The following NXPH1 variants were observed in gnomAD, a reference collection of about 807,000 sequenced individuals.
The protein encoded by NXPH1 is neurexophilin 1, also known as neurexophilin-1.
NXPH1 carries 5 observed loss-of-function variants against 23.7 expected under a neutral mutation model. The ratio of observed to expected loss-of-function variants is 0.21; its 90% CI spans 0.11 to 0.44. NXPH1 has a LOEUF of 0.44. Among genes scored for constraint, NXPH1 ranks in the 20% least tolerant of loss-of-function variants. The pLI is 0.99. For missense variants in NXPH1, 324 were observed against 321.6 expected (o/e 1.01, Z -0.06); for synonymous variants, 144 against 122.2 (o/e 1.18, Z -1.18).
In NXPH1 at chr7:8,730,927, G is replaced by T. The variant is rs550978659; in HGVS notation, c.55-20081G>T. Among the ~76,000 whole-genome samples the T allele has an allele frequency of 3.3e-4, 50 of 150,762 alleles. 1 individual carries two copies. In the East Asian group the frequency reaches 9.5e-3, roughly 29 times the overall value. ...GGGATGTTCTCCTGGATAATATCCT[G>T]CAGAGTGTTTTCCAACTTGGTTCCA... On this transcript the variant is annotated intron_variant, in intron 2 of 2. Transcript: ENST00000405863.
chr7:8,684,888 A>G (rs1299163688), intron 2 of NXPH1, among the ~76,000 whole-genome samples: 3 of 152,132 alleles, frequency 2.0e-5, no homozygotes, highest in Non-Finnish European at 4.4e-5. Flanking sequence ...TCCAACATAA[A>G]TAATGTGTGG....
intron 2 of NXPH1, among the ~76,000 whole-genome samples, chr7:8,644,784 C>T (rs1208407928): frequency 2.6e-5 from 4 of 152,084 alleles, no homozygotes; most frequent in African/African-American, 9.7e-5. Context: ...TATTACAGCC[C>T]AGCACATCTT....
At chr7:8,747,255 T>C (rs1780486683) in intron 2 of NXPH1, among the ~76,000 whole-genome samples, 1 of 152,220 alleles carries the variant, frequency 6.6e-6, no homozygotes, top group African/African-American at 2.4e-5. Context: ...TGCACTCCCA[T>C]AATTACTACA....
chr7:8,488,288 A>G (rs1162151729), intron 2 of NXPH1, among the ~76,000 whole-genome samples: 2 of 152,080 alleles, frequency 1.3e-5, no homozygotes, highest in Non-Finnish European at 2.9e-5. Flanking sequence ...TACATCTTAC[A>G]TACACATTTA....
intron 2 of NXPH1, among the ~76,000 whole-genome samples, chr7:8,711,432 T>TAAA (rs969932867): frequency 6.6e-6 from 1 of 152,204 alleles, no homozygotes; most frequent in African/African-American, 2.4e-5. Flanking sequence ...TAAGTTAAAA[T>TAAA]AAAGGCAGCA....
intron 2 of NXPH1, among the ~76,000 whole-genome samples, chr7:8,537,433 A>T (rs2040769): frequency 2.2e-4 from 34 of 151,790 alleles, no homozygotes; most frequent in Non-Finnish European, 4.6e-4. Context: ...GGAAGCAAAC[A>T]TGTCCTTCAC....
chr7:8,484,479 A>G (rs1041437632), intron 2 of NXPH1, among the ~76,000 whole-genome samples: 1 of 152,136 alleles, frequency 6.6e-6, no homozygotes, highest in Non-Finnish European at 1.5e-5. Flanking sequence ...TCTTTTCAAC[A>G]AAAATAAGAC....
chr7:8,614,605 C>T (rs1458860089), intron 2 of NXPH1, among the ~76,000 whole-genome samples: 1 of 151,736 alleles, frequency 6.6e-6, no homozygotes, highest in Non-Finnish European at 1.5e-5. Context: ...TATCCATATA[C>T]ATATATGTAG....
chr7:8,697,504 A>T (rs1232517122), intron 2 of NXPH1, among the ~76,000 whole-genome samples: 3 of 152,196 alleles, frequency 2.0e-5, no homozygotes, highest in Non-Finnish European at 4.4e-5. Context: ...CTCATTGTTT[A>T]GACAGACTGA....
At chr7:8,749,638 G>A (rs1398251610) in intron 2 of NXPH1, among the ~76,000 whole-genome samples, 2 of 152,164 alleles carry the variant, frequency 1.3e-5, no homozygotes, top group Admixed American at 6.5e-5. Context: ...CAATGAAGCT[G>A]CTGAGTAGTA....
intron 2 of NXPH1, among the ~76,000 whole-genome samples, chr7:8,494,077 T>G (rs190359156): frequency 1.5e-3 from 227 of 152,176 alleles, no homozygotes; most frequent in Non-Finnish European, 4.1e-4. Flanking sequence ...CTCAGGATAT[T>G]GAAGGCCTTT....
At chr7:8,493,103 G>T (rs10486231) in intron 2 of NXPH1, among the ~76,000 whole-genome samples, 8,757 of 151,944 alleles carry the variant, frequency 0.058, 287 homozygotes, top group South Asian at 0.094. Flanking sequence ...GACTATCTTT[G>T]TGAGGCAGGG....
intron 2 of NXPH1, among the ~76,000 whole-genome samples, chr7:8,477,733 TTTAATGTGCTGCC>T (rs1224358217): frequency 1.3e-5 from 2 of 152,108 alleles, no homozygotes; most frequent in African/African-American, 4.8e-5. Flanking sequence ...TAGATGAGTG[TTTAATGTGCTGCC>T]TTAAGGAAAC....
intron 2 of NXPH1, among the ~76,000 whole-genome samples, chr7:8,518,742 T>TC (rs35819485): frequency 6.6e-6 from 1 of 152,102 alleles, no homozygotes; most frequent in Non-Finnish European, 1.5e-5. Context: ...TGCCTCAGCC[T>TC]CCCAAGTAGC....
intron 2 of NXPH1, among the ~76,000 whole-genome samples, chr7:8,447,995 G>A (rs982708111): frequency 6.6e-6 from 1 of 152,178 alleles, no homozygotes; most frequent in East Asian, 1.9e-4. Context: ...CCATAACAGA[G>A]AGCAAACAGG....
At chr7:8,739,079 C>T (rs888752679) in intron 2 of NXPH1, among the ~76,000 whole-genome samples, 2 of 148,782 alleles carry the variant, frequency 1.3e-5, no homozygotes, top group Non-Finnish European at 3.0e-5. Context: ...GGGTGGGATC[C>T]ACTGAGCAAG....
intron 2 of NXPH1, among the ~76,000 whole-genome samples, chr7:8,524,158 C>T (rs1817822953): frequency 7.1e-6 from 1 of 141,060 alleles, no homozygotes; most frequent in Non-Finnish European, 1.5e-5. Flanking sequence ...AGGAGAATCG[C>T]TTGAACCTGG....
chr7:8,467,306 G>A (rs111846029), intron 2 of NXPH1, among the ~76,000 whole-genome samples: 8 of 152,206 alleles, frequency 5.3e-5, no homozygotes, highest in African/African-American at 1.7e-4. Flanking sequence ...TGTGAAATGA[G>A]GAGCCACAGA....
chr7:8,663,276 C>A (rs920469337), intron 2 of NXPH1, among the ~76,000 whole-genome samples: 2 of 152,052 alleles, frequency 1.3e-5, no homozygotes, highest in African/African-American at 4.8e-5. Flanking sequence ...TCATCCCTTT[C>A]GCACTCACAG....
Sources: allele counts gnomAD v4.1 joint callset (sites outside exome capture counted in the v4.1 genomes callset), GRCh38; gene constraint gnomAD v4.1.1; transcripts MANE v1.5; gene names NCBI Gene and HGNC (gene_info 2026-07-23, HGNC 2026-07-21).